The following KLHL17 variants were observed in gnomAD, a reference collection of about 807,000 sequenced individuals.
The protein encoded by KLHL17 is kelch like family member 17, also known as kelch-like protein 17.
Under a neutral mutation model 64.6 loss-of-function variants are expected in KLHL17, and 71 were observed. The observed-to-expected ratio is 1.10, with a 90% CI of 0.91 to 1.34. The LOEUF is 1.34. Among genes scored for constraint, KLHL17 ranks in the 40% most tolerant of loss-of-function variants. The pLI is 0.00. For missense variants in KLHL17, 1,140 were observed against 935.0 expected (o/e 1.22, Z -2.86); for synonymous variants, 612 against 405.4 (o/e 1.51, Z -6.12).
intron 1 of KLHL17, among the ~76,000 whole-genome samples, 162 bp from the exon 2 acceptor site, chr1:961,131 C>T (rs1238044502): frequency 2.7e-5 from 4 of 150,384 alleles, no homozygotes; most frequent in African/African-American, 7.3e-5. Context: ...CTGGACACGG[C>T]GCGCTCCGGG....
rs780280254 is a variant in KLHL17, at chr1:961,808, CCT to C, written c.490-14_490-13del. Reference sequence around the variant, plus strand: ...CCCGACCCTGTGCCTCCCTCACCTGCCTCTCGGTGCCCCGTAGACTCTGCTCC... The same window carrying C: ...CCCGACCCTGTGCCTCCCTCACCTGCCTCGGTGCCCCGTAGACTCTGCTCC... On this transcript the variant is annotated splice_polypyrimidine_tract_variant and intron_variant, in intron 3 of 11. Coordinates refer to ENST00000338591, the MANE Select transcript of KLHL17 (RefSeq NM_198317.3). 3 of 1,610,524 alleles carry C rather than the reference CCT, an allele frequency of 1.9e-6. No homozygotes were observed. Among genetic ancestry groups the C allele is most frequent in the African/African-American group, 2.7e-5 (2 of 75,052 alleles).
intron 8 of KLHL17, 70 bp from the exon 9 acceptor site, chr1:963,850 A>G: frequency 6.7e-7 from 1 of 1,484,510 alleles, no homozygotes; most frequent in Non-Finnish European, 9.4e-7. Flanking sequence ...TCCGCTGGGG[A>G]GGGCAGGTCC....
Position 960,737 on chromosome 1 carries a change from C to T in KLHL17, c.44C>T (p.Pro15Leu), listed in dbSNP as rs771381794. 2.4e-6 allele frequency: 3 copies of T among 1,274,506 alleles called. No individual in the cohort carries two copies. In the South Asian group the frequency reaches 5.8e-5, roughly 25 times the overall value. 78.9% of individuals were successfully genotyped at this position (1,274,506 alleles called of 1,614,324 possible). A position where few individuals can be genotyped will look rare whatever the true frequency, so the allele number is the denominator to read the frequency against. The change falls in exon 1 of 12, where the codon CCG (proline) becomes CTG (leucine). Residue 15 changes from proline to leucine, a missense_variant. Coordinates refer to ENST00000338591, the MANE Select transcript of KLHL17 (RefSeq NM_198317.3). ...CGCCCGGCCGGCAGGACGCAGAGCC[C>T]GGAGCACGGCAGCCCGGGGCCCGGG... ...SERPAGRTQSPEHGSPGPGPE... is the reference protein window; with the variant it reads ...SERPAGRTQSLEHGSPGPGPE...
In KLHL17 at chr1:963,653, G is replaced by A. The variant is rs1642760030; in HGVS notation, c.1355+149G>A. The stretch of plus-strand genomic sequence containing the variant: ...CCCAGGCCACTGCCACACTGGGCCT[G>A]AACTCTTGGCTTTGCTGCCCCAGTG... On this transcript the variant is annotated intron_variant, in intron 8 of 11. Transcript: ENST00000338591. The A allele has an allele frequency of 4.0e-6, 4 of 1,005,256 alleles. No homozygotes were observed. The South Asian group carries it at 6.7e-5, about 17-fold the overall frequency. 62.3% of individuals were successfully genotyped at this position (1,005,256 alleles called of 1,614,324 possible).
Position 962,038 on chromosome 1 carries a change from C to G in KLHL17, c.702C>G (p.Pro234=). 4 of 1,612,770 alleles carry G rather than the reference C, an allele frequency of 2.5e-6. No homozygotes were observed. The change falls in exon 4 of 12, where the codon CCC becomes CCG. Residue 234 remains proline, a synonymous_variant. Transcript: ENST00000338591. Reference sequence around the variant, plus strand: ...AGACCGAGGAGTTTATGCTGCTGCCCCTGAAACAGGTAACAGCTGGCGGGC... The same window carrying G: ...AGACCGAGGAGTTTATGCTGCTGCCGCTGAAACAGGTAACAGCTGGCGGGC... ...VAKTEEFMLL[P]LKQVLELVSS...
At chr1:964,730 GC>G (rs1557636247) in intron 11 of KLHL17, among the ~76,000 whole-genome samples, 200 bp downstream of exon 11, 1 of 2,292 alleles carries the variant, frequency 4.4e-4, no homozygotes. Context: ...GGGATGTGCT[GC>G]CGGGAGGGGG....
chr1:962,846 G>A lies in KLHL17; in HGVS notation c.971G>A (p.Arg324Lys). Residue 324 changes from arginine to lysine, a missense_variant, in exon 6 of 12, where the codon AGG becomes AAG. Coordinates refer to ENST00000338591, the MANE Select transcript of KLHL17 (RefSeq NM_198317.3). ...AAGTTCCACCTGCTGCCTGAGCAGA[G>A]GGGCGTCCTAGGCACCAGCCGCACA... ...ALKFHLLPEQ[R>K]GVLGTSRTRP... The A allele has an allele frequency of 1.3e-6, 2 of 1,599,584 alleles. No homozygotes were observed. The highest frequency in any genetic ancestry group is 2.2e-5 in the East Asian group (1 of 44,802).
Position 961,907 on chromosome 1 carries a change from C to T in KLHL17, c.571C>T (p.Pro191Ser), listed in dbSNP as rs775830816. The T allele has an allele frequency of 1.9e-5, 31 of 1,612,820 alleles. No homozygotes were observed. Among genetic ancestry groups the T allele is most frequent in the East Asian group, 1.1e-4 (5 of 44,900 alleles). The change falls in exon 4 of 12, where the codon CCC becomes TCC. Residue 191 changes from proline to serine, a missense_variant. Transcript: ENST00000338591. ...CAAGTTTCTACTGAGTCAGCTCGACCCCTCCAACTGCCTGGGTATCCGGGG... is the reference window on the plus strand; with the variant it reads ...CAAGTTTCTACTGAGTCAGCTCGACTCCTCCAACTGCCTGGGTATCCGGGG... ...CCKFLLSQLD[P>S]SNCLGIRGFA...
rs1487824169 is a variant in KLHL17 at position 961,845 on chromosome 1, G to C, written c.509G>C (p.Ser170Thr). 1.2e-6 allele frequency: 2 copies of C among 1,610,978 alleles called. No homozygotes were observed. Among genetic ancestry groups the C allele is most frequent in the African/African-American group, 1.3e-5 (1 of 75,062 alleles). Residue 170 changes from serine (S) to threonine (T), a missense_variant, in exon 4 of 12, where the codon AGT becomes ACT. Physicochemically the swap from Ser to Thr is moderately conservative, Grantham distance 58 (BLOSUM62 1). Coordinates refer to ENST00000338591, the MANE Select transcript of KLHL17 (RefSeq NM_198317.3). ...GNVQTLLPAA[S>T]LLQLNGVRDA... Reference sequence around the variant, plus strand: ...CCGTAGACTCTGCTCCCAGCCGCCAGTCTCCTGCAGCTGAATGGCGTCCGA... The same window carrying C: ...CCGTAGACTCTGCTCCCAGCCGCCACTCTCCTGCAGCTGAATGGCGTCCGA...
rs757911198 is a variant in KLHL17, at chr1:964,944, C to T, written c.1701-19C>T. The T allele has an allele frequency of 1.9e-6, 3 of 1,561,642 alleles. No homozygotes were observed. The African/African-American group carries it at 4.1e-5, about 21-fold the overall frequency. On this transcript the variant is annotated intron_variant, in intron 11 of 11. Transcript: ENST00000338591. Reference sequence around the variant, plus strand: ...GCATCCCTTCCTGCAGCCAGGGGCTCACCCCGCCTTCCCCCCAGGAGCACG... The same window carrying T: ...GCATCCCTTCCTGCAGCCAGGGGCTTACCCCGCCTTCCCCCCAGGAGCACG...
At position 961,905 on chromosome 1, in the gene KLHL17, A is replaced by AC. The variant is rs1642671507; in HGVS notation, c.573dup (p.Ser192LeufsTer53). ...TGCAAGTTTCTACTGAGTCAGCTCG[A>AC]CCCCTCCAACTGCCTGGGTATCCGG... is the stretch of plus-strand genomic sequence containing the variant. On this transcript the variant is annotated frameshift_variant, in exon 4 of 12. Coordinates refer to ENST00000338591, the MANE Select transcript of KLHL17 (RefSeq NM_198317.3). LOFTEE classifies it high-confidence loss of function. 2 of 1,612,492 alleles carry AC rather than the reference A, an allele frequency of 1.2e-6. No homozygotes were observed. The highest frequency in any genetic ancestry group is 1.1e-5 in the South Asian group (1 of 91,048).
At chr1:963,778 C>G in intron 8 of KLHL17, 142 bp from the exon 9 acceptor site, 1 of 1,005,468 alleles carries the variant, frequency 9.9e-7, no homozygotes, top group Non-Finnish European at 1.5e-6. Context: ...TGCCCACCAG[C>G]GGGCCCTGCC....
Position 961,639 on chromosome 1 carries a change from C to T in KLHL17, c.378C>T (p.Ser126=), listed in dbSNP as rs1415784250. 6.8e-6 allele frequency: 11 copies of T among 1,612,664 alleles called. No homozygotes were observed. The highest frequency in any genetic ancestry group is 1.1e-5 in the South Asian group (1 of 91,072). Residue 126 remains serine (S), a synonymous_variant, in exon 3 of 12, where the codon AGC becomes AGT. Coordinates refer to ENST00000338591, the MANE Select transcript of KLHL17 (RefSeq NM_198317.3). Reference sequence around the variant, plus strand: ...CCGCTGTCCCCGCAGATGAGATGAGCGAGAGCCGCCAGACCCACGTGACGC... The same window carrying T: ...CCGCTGTCCCCGCAGATGAGATGAGTGAGAGCCGCCAGACCCACGTGACGC... The part of the protein sequence containing the change: ...YFHAMFTNEM[S]ESRQTHVTLH...
rs1642915219 is a variant in KLHL17 at position 965,530 on chromosome 1, G to A, written c.*339G>A. 5.9e-6 allele frequency: 2 copies of A among 337,642 alleles called. No homozygotes were observed. The highest frequency in any genetic ancestry group is 9.0e-5 in the Admixed American group (2 of 22,168). The allele number at this position is 337,642 out of a possible 1,614,324, so 20.9% of individuals were successfully genotyped here. On this transcript the variant is annotated 3_prime_UTR_variant, in exon 12 of 12. Transcript: ENST00000338591. ...AGCAAGAGGCCCTGGGTCTCTCCAA[G>A]CAGCTGCAGACCCCAGCTCGAATTT... is the stretch of plus-strand genomic sequence containing the variant.
At chr1:962,196 C>T (rs373943055) in intron 4 of KLHL17, 149 bp downstream of exon 4, 5 of 1,293,128 alleles carry the variant, frequency 3.9e-6, no homozygotes, top group East Asian at 2.5e-5. Context: ...TGGATCTGGG[C>T]CCCCCAGGAG....
rs1441096216 is a variant in KLHL17, at chr1:961,760, C to A, written c.489+10C>A. 2 of 1,611,772 alleles carry A rather than the reference C, an allele frequency of 1.2e-6. No individual in the cohort carries two copies. Among genetic ancestry groups the A allele is most frequent in the East Asian group, 2.2e-5 (1 of 44,778 alleles). ...CGAGGGCAATGTGCAGGTGAGGGCT[C>A]CCTCACCCGGATCCCGGTGTCCCCC... is the stretch of plus-strand genomic sequence containing the variant. On this transcript the variant is annotated intron_variant, in intron 3 of 11. Coordinates refer to ENST00000338591, the MANE Select transcript of KLHL17 (RefSeq NM_198317.3).
chr1:965,291 A>G lies in KLHL17; in HGVS notation c.*100A>G, dbSNP rs753766778. 10 of 867,674 alleles carry G rather than the reference A, an allele frequency of 1.2e-5. No individual in the cohort carries two copies. The highest frequency in any genetic ancestry group is 2.3e-4 in the Middle Eastern group (1 of 4,386). 53.7% of individuals were successfully genotyped at this position (867,674 alleles called of 1,614,324 possible). A position where few individuals can be genotyped will look rare whatever the true frequency, so the allele number is the denominator to read the frequency against. ...GCCATCCGTTCACGTCTCTGCATCCATTCCTTCATGTCTTTATTTAGTTGT... is the reference window on the plus strand; with the variant it reads ...GCCATCCGTTCACGTCTCTGCATCCGTTCCTTCATGTCTTTATTTAGTTGT... On this transcript the variant is annotated 3_prime_UTR_variant, in exon 12 of 12. Coordinates refer to ENST00000338591, the MANE Select transcript of KLHL17 (RefSeq NM_198317.3).
chr1:961,339 C>G lies in KLHL17; in HGVS notation c.154C>G (p.Pro52Ala), dbSNP rs1291284633. The G allele has an allele frequency of 7.0e-6, 11 of 1,565,832 alleles. No homozygotes were observed. The highest frequency in any genetic ancestry group is 1.3e-5 in the African/African-American group (1 of 74,102). The change falls in exon 2 of 12, where the codon CCC becomes GCC. Residue 52 changes from proline to alanine, a missense_variant. Pro to Ala is a conservative substitution (Grantham distance 27). Transcript: ENST00000338591. ...TRPRQARPAA[P>A]MEGAVQLLSR... ...GCCCCGGCAGGCTCGGCCCGCAGCCCCCATGGAGGGAGCCGTGCAGCTGCT... is the reference window on the plus strand; with the variant it reads ...GCCCCGGCAGGCTCGGCCCGCAGCCGCCATGGAGGGAGCCGTGCAGCTGCT...
intron 8 of KLHL17, 42 bp downstream of exon 8, chr1:963,546 T>G (rs777044810): frequency 6.4e-7 from 1 of 1,557,392 alleles, no homozygotes; most frequent in Non-Finnish European, 8.7e-7. Context: ...ACAGTCCATC[T>G]GCAAGAGGCA....
Sources: allele counts gnomAD v4.1 joint callset (sites outside exome capture counted in the v4.1 genomes callset), GRCh38; gene constraint gnomAD v4.1.1; transcripts MANE v1.5; gene names NCBI Gene and HGNC (gene_info 2026-07-23, HGNC 2026-07-21).